Variants in PARD3B observed in about 807,000 individuals in gnomAD.
The protein encoded by PARD3B is par-3 family cell polarity regulator beta.
Under a neutral mutation model 130.2 loss-of-function variants are expected in PARD3B, and 103 were observed. The ratio of observed to expected loss-of-function variants is 0.79; its 90% CI spans 0.67 to 0.93. PARD3B has a LOEUF of 0.93. Ranked by LOEUF, PARD3B falls within the 40% of genes least tolerant of loss-of-function variation. The probability of loss-of-function intolerance (pLI) is 0.00; values close to 1 mark genes in which losing one functional copy is unlikely to be tolerated. For missense variants in PARD3B, 1,609 were observed against 1,499.2 expected (o/e 1.07, Z -1.21); for synonymous variants, 583 against 553.2 (o/e 1.05, Z -0.76).
At chr2:205,278,853 T>G (rs1279263417) in intron 16 of PARD3B, among the ~76,000 whole-genome samples, 1 of 151,996 alleles carries the variant, frequency 6.6e-6, no homozygotes, top group Non-Finnish European at 1.5e-5. Flanking sequence ...CTGGATCACT[T>G]GAGATCAGGA....
chr2:205,564,674 G>A lies in PARD3B; in HGVS notation c.3260+11271G>A, dbSNP rs992878901. Among the ~76,000 whole-genome samples the A allele has an allele frequency of 6.6e-6, 1 of 152,308 alleles. No homozygotes were observed. The highest frequency in any genetic ancestry group is 2.1e-4 in the South Asian group (1 of 4,824). On this transcript the variant is annotated intron_variant, in intron 22 of 22. Coordinates refer to ENST00000406610, the MANE Select transcript of PARD3B (RefSeq NM_001302769.2). The surrounding 1 kb of genome is among the most constrained non-coding windows in gnomAD (Gnocchi z 4.6). ...AAGTCCAGAGAAGAGAGCTTTGGCAGTCAGTTACTATGGTGGTGCCACCCG... is the reference window on the plus strand; with the variant it reads ...AAGTCCAGAGAAGAGAGCTTTGGCAATCAGTTACTATGGTGGTGCCACCCG...
chr2:205,073,690 A>G (rs1700875532), intron 4 of PARD3B, among the ~76,000 whole-genome samples: 1 of 152,144 alleles, frequency 6.6e-6, no homozygotes, highest in African/African-American at 2.4e-5. Flanking sequence ...CCCTTTCCCT[A>G]AAAGGGCAAG....
chr2:204,566,880 TC>T (rs2031701738), intron 1 of PARD3B, among the ~76,000 whole-genome samples: 2 of 147,738 alleles, frequency 1.4e-5, no homozygotes, highest in African/African-American at 2.6e-5. Context: ...TTTCTAAACC[TC>T]TTTTTTTTTT....
chr2:204,817,379 T>C (rs1226963040), intron 2 of PARD3B, among the ~76,000 whole-genome samples: 1 of 152,058 alleles, frequency 6.6e-6, no homozygotes, highest in Non-Finnish European at 1.5e-5. Flanking sequence ...GTTTAATCCT[T>C]TTAGACCTTA....
At chr2:204,990,592 A>G (rs1251968956) in intron 3 of PARD3B, among the ~76,000 whole-genome samples, 1 of 152,058 alleles carries the variant, frequency 6.6e-6, no homozygotes, top group Non-Finnish European at 1.5e-5. Flanking sequence ...AATTATTTAC[A>G]TATTAAGAAC....
chr2:205,368,295 T>A (rs577332704), intron 18 of PARD3B, among the ~76,000 whole-genome samples: 1 of 152,272 alleles, frequency 6.6e-6, no homozygotes, highest in East Asian at 1.9e-4. Context: ...TGAGTCTCAG[T>A]TGTTTGTAGT....
Position 205,175,264 on chromosome 2 carries a change from C to G in PARD3B, c.1792-1181C>G, listed in dbSNP as rs1288890227. ...AGCACAAGGCTGAGCAAAGCAAGCC[C>G]TAGCTCTCTTTCCTGCTGCAGCTCC... On this transcript the variant is annotated intron_variant, in intron 12 of 22. Transcript: ENST00000406610. Among the ~76,000 whole-genome samples the G allele has an allele frequency of 2.6e-5, 4 of 152,232 alleles. No homozygotes were observed. In the South Asian group the frequency reaches 6.2e-4, roughly 24 times the overall value.
In PARD3B at chr2:204,959,065, C is replaced by T. The variant is rs141431551; in HGVS notation, c.223-6087C>T. 3.9e-3 allele frequency among the ~76,000 whole-genome samples: 595 copies of T among 152,128 alleles called. 1 individual carries two copies. Among genetic ancestry groups the T allele is most frequent in the Middle Eastern group, 6.8e-3 (2 of 294 alleles). On this transcript the variant is annotated intron_variant, in intron 2 of 22. Coordinates refer to ENST00000406610, the MANE Select transcript of PARD3B (RefSeq NM_001302769.2). Reference sequence around the variant, plus strand: ...ATGGCGGTTTGCTATACCTATCAACCCATCATCTAGGCTTTTACCTCTGCA... The same window carrying T: ...ATGGCGGTTTGCTATACCTATCAACTCATCATCTAGGCTTTTACCTCTGCA...
chr2:205,085,862 T>G (rs1413999255), intron 4 of PARD3B, among the ~76,000 whole-genome samples: 1 of 151,810 alleles, frequency 6.6e-6, no homozygotes, highest in African/African-American at 2.4e-5. Context: ...TTTATCATAT[T>G]TATGAATGAC....
At chr2:205,372,518 C>G (rs936124063) in intron 18 of PARD3B, among the ~76,000 whole-genome samples, 10 of 152,062 alleles carry the variant, frequency 6.6e-5, no homozygotes, top group Non-Finnish European at 1.3e-4. Context: ...ACTTTAGGAC[C>G]TGTTTTCAAA....
chr2:205,057,223 GTA>G (rs535601052), intron 4 of PARD3B, among the ~76,000 whole-genome samples: 110 of 150,238 alleles, frequency 7.3e-4, no homozygotes, highest in African/African-American at 2.6e-3. Context: ...CCTTATGTAT[GTA>G]TATGTGTTAT....
At chr2:204,790,704 C>A (rs1293005726) in intron 2 of PARD3B, among the ~76,000 whole-genome samples, 1 of 152,146 alleles carries the variant, frequency 6.6e-6, no homozygotes, top group African/African-American at 2.4e-5. Context: ...AAAATCCTGG[C>A]CTCTAGGTTG....
intron 4 of PARD3B, among the ~76,000 whole-genome samples, chr2:205,072,452 C>T (rs10196261): frequency 0.58 from 88,226 of 151,754 alleles, 26,024 homozygotes; most frequent in Middle Eastern, 0.73. Context: ...GGTTTCACCA[C>T]GTTGGCCAGG....
intron 2 of PARD3B, among the ~76,000 whole-genome samples, chr2:204,956,425 G>T (rs1280530744): frequency 6.6e-6 from 1 of 152,124 alleles, no homozygotes; most frequent in Non-Finnish European, 1.5e-5. Context: ...GTCTTCTAGT[G>T]TTGGATATAC....
chr2:205,593,574 T>G lies in PARD3B; in HGVS notation c.3261-21882T>G, dbSNP rs568704701. ...TAAATAAAACAATTAAAGGGCTAGTTCACACCTCATCAAATTGCTTAACAA... is the reference window on the plus strand; with the variant it reads ...TAAATAAAACAATTAAAGGGCTAGTGCACACCTCATCAAATTGCTTAACAA... On this transcript the variant is annotated intron_variant, in intron 22 of 22. Coordinates refer to ENST00000406610, the MANE Select transcript of PARD3B (RefSeq NM_001302769.2). Among the ~76,000 whole-genome samples, 8 of 152,328 alleles carry G rather than the reference T, an allele frequency of 5.3e-5. No homozygotes were observed. The South Asian group carries it at 1.7e-3, about 32-fold the overall frequency.
intron 15 of PARD3B, among the ~76,000 whole-genome samples, chr2:205,226,495 A>G (rs2038557841): frequency 6.6e-6 from 1 of 152,036 alleles, no homozygotes; most frequent in Admixed American, 6.6e-5. Context: ...TTGGGGTTTT[A>G]TATGTAAGTA....
At chr2:205,120,440 G>A (rs551260349) in intron 7 of PARD3B, among the ~76,000 whole-genome samples, 3 of 152,212 alleles carry the variant, frequency 2.0e-5, no homozygotes, top group African/African-American at 7.2e-5. Context: ...CTTCAGAAAG[G>A]GGGGTGCGGG....
intron 2 of PARD3B, among the ~76,000 whole-genome samples, chr2:204,776,043 A>T (rs139572924): frequency 8.5e-5 from 13 of 152,342 alleles, no homozygotes; most frequent in African/African-American, 3.1e-4. Flanking sequence ...TCTGGAATTT[A>T]TGTGGCTTTG....
chr2:205,042,290 C>T (rs1368490657), intron 3 of PARD3B, among the ~76,000 whole-genome samples: 2 of 152,176 alleles, frequency 1.3e-5, no homozygotes, highest in East Asian at 1.9e-4. Context: ...CATTCATAGA[C>T]ACTTGGGAAC....
Sources: gnomAD v4.1 joint callset for allele counts (sites outside exome capture counted in the v4.1 genomes callset) on GRCh38, gnomAD v4.1.1 for gene constraint, Gnocchi (gnomAD v3.1) non-coding constraint, MANE v1.5 for transcripts, NCBI Gene and HGNC (gene_info 2026-07-23, HGNC 2026-07-21) for gene names.